IPO11: variants seen among roughly 807,000 people sequenced by gnomAD.
The protein encoded by IPO11 is importin-11.
IPO11 carries 66 observed loss-of-function variants against 143.2 expected under a neutral mutation model. That is an observed-to-expected ratio of 0.46 (90% CI 0.38 to 0.57). IPO11 has a LOEUF of 0.57. IPO11 is among the 20% of genes least tolerant of loss of function. IPO11 has a pLI of 0.00. For missense variants in IPO11, 1,026 were observed against 1,141.0 expected (o/e 0.90, Z 1.45); for synonymous variants, 385 against 377.8 (o/e 1.02, Z -0.22).
Position 62,581,197 on chromosome 5 carries a change from A to G in IPO11, c.2583-10380A>G. The G allele has an allele frequency of 6.4e-7, 1 of 1,551,078 alleles. No homozygotes were observed. The highest frequency in any genetic ancestry group is 8.7e-7 in the Non-Finnish European group (1 of 1,146,736). Reference sequence around the variant, plus strand: ...TAATGTAACTGCCTCAATTTGTAACACTTCCCCAAATTCTCTAGAAAGTCC... The same window carrying G: ...TAATGTAACTGCCTCAATTTGTAACGCTTCCCCAAATTCTCTAGAAAGTCC... On this transcript the variant is annotated intron_variant, in intron 27 of 29. Coordinates refer to ENST00000325324, the MANE Select transcript of IPO11 (RefSeq NM_016338.5).
intron 29 of IPO11, among the ~76,000 whole-genome samples, chr5:62,622,331 T>G (rs1746408663): frequency 6.6e-6 from 1 of 152,172 alleles, no homozygotes. Context: ...AATGATTCCC[T>G]TATGCTGCCA....
intron 29 of IPO11, among the ~76,000 whole-genome samples, chr5:62,611,003 A>G (rs1204857765): frequency 6.6e-6 from 1 of 152,162 alleles, no homozygotes; most frequent in Non-Finnish European, 1.5e-5. Context: ...CTGCTTCTCT[A>G]AGTTTGATTA....
chr5:62,528,282 T>C (rs990654895), intron 21 of IPO11, among the ~76,000 whole-genome samples: 1 of 152,142 alleles, frequency 6.6e-6, no homozygotes, highest in African/African-American at 2.4e-5. Context: ...CCTAGTAAGA[T>C]TAGTATAGAG....
At chr5:62,545,358 G>T (rs368060832) in intron 24 of IPO11, among the ~76,000 whole-genome samples, 1 of 151,912 alleles carries the variant, frequency 6.6e-6, no homozygotes, top group East Asian at 1.9e-4. Context: ...AAAGGATTCC[G>T]TATTTAATAA....
intron 1 of IPO11, among the ~76,000 whole-genome samples, chr5:62,420,219 CGATGGAGGTTTCAGTGAGCCAA>C (rs1285908277): frequency 6.8e-6 from 1 of 146,594 alleles, no homozygotes; most frequent in East Asian, 2.0e-4. Context: ...TGAACCCGGG[CGATGGAGGTTTCAGTGAGCCAA>C]GATCGTACCA....
chr5:62,579,083 G>A (rs1744438381), intron 27 of IPO11: 5 of 269,682 alleles, frequency 1.9e-5, no homozygotes, highest in South Asian at 1.2e-4. Flanking sequence ...TGTTGTTAAA[G>A]GGACATATTA....
At chr5:62,466,990 C>A in intron 5 of IPO11, 141 bp from the exon 6 acceptor site, 2 of 772,108 alleles carry the variant, frequency 2.6e-6, no homozygotes, top group Non-Finnish European at 4.0e-6. Context: ...TGAAACATTG[C>A]CACAAATATT....
intron 5 of IPO11, among the ~76,000 whole-genome samples, chr5:62,460,434 G>A (rs1745314903): frequency 6.6e-6 from 1 of 152,098 alleles, no homozygotes; most frequent in South Asian, 2.1e-4. Context: ...AGCAGATTTG[G>A]GCATCTATAG....
In IPO11 at chr5:62,449,539, A is replaced by G. The variant is rs551979764; in HGVS notation, c.240-388A>G. Among the ~76,000 whole-genome samples the G allele has an allele frequency of 1.8e-4, 27 of 151,138 alleles. No individual in the cohort carries two copies. In the South Asian group the frequency reaches 5.6e-3, roughly 32 times the overall value. The stretch of plus-strand genomic sequence containing the variant: ...GTGTTTTTTTTTTTCGTAGGCAACT[A>G]TTTTTACATCAATAAAAGTGAACAT... On this transcript the variant is annotated intron_variant, in intron 3 of 29. Transcript: ENST00000325324.
intron 19 of IPO11, among the ~76,000 whole-genome samples, chr5:62,513,833 G>T (rs1366924394): frequency 2.0e-5 from 3 of 149,608 alleles, no homozygotes; most frequent in Admixed American, 2.0e-4. Context: ...TCACTTCTCA[G>T]ACGGGGCGGT....
chr5:62,622,351 CTATTG>C (rs1746409598), intron 29 of IPO11, among the ~76,000 whole-genome samples: 1 of 152,140 alleles, frequency 6.6e-6, no homozygotes, highest in Non-Finnish European at 1.5e-5. Context: ...AAGTGAAGAA[CTATTG>C]TATAAAGATT....
At chr5:62,520,074 C>T (rs1272253142) in intron 20 of IPO11, among the ~76,000 whole-genome samples, 1 of 152,194 alleles carries the variant, frequency 6.6e-6, no homozygotes, top group East Asian at 1.9e-4. Context: ...AAAATACTCT[C>T]TTTTAAAGGG....
chr5:62,445,674 G>A (rs936739212), intron 3 of IPO11, among the ~76,000 whole-genome samples: 9 of 152,068 alleles, frequency 5.9e-5, no homozygotes, highest in African/African-American at 2.2e-4. Flanking sequence ...TAGGCTTTGT[G>A]TTGGATGCTT....
At chr5:62,568,983 CA>C (rs1386505408) in intron 27 of IPO11, among the ~76,000 whole-genome samples, 1 of 152,168 alleles carries the variant, frequency 6.6e-6, no homozygotes, top group Non-Finnish European at 1.5e-5. Context: ...GCCCTAAGGC[CA>C]GGTGTGCTGT....
intron 28 of IPO11, among the ~76,000 whole-genome samples, chr5:62,595,790 G>A (rs749423511): frequency 6.6e-6 from 1 of 151,952 alleles, no homozygotes; most frequent in Non-Finnish European, 1.5e-5. Flanking sequence ...TTTAGCTAGA[G>A]TTTTTATTAA....
chr5:62,588,171 A>G (rs1033057097), intron 27 of IPO11, among the ~76,000 whole-genome samples: 2 of 151,742 alleles, frequency 1.3e-5, no homozygotes, highest in African/African-American at 4.8e-5. Context: ...CAAAACTCTA[A>G]TATCCTGTCT....
chr5:62,448,435 A>G lies in IPO11; in HGVS notation c.240-1492A>G, dbSNP rs113293702. ...AAGGGAGGACAACTATATTCAAGAC[A>G]TTTTTTATTACTCAGTTTTACTCTA... On this transcript the variant is annotated intron_variant, in intron 3 of 29. Coordinates refer to ENST00000325324, the MANE Select transcript of IPO11 (RefSeq NM_016338.5). Among the ~76,000 whole-genome samples the G allele has an allele frequency of 5.7e-3, 873 of 152,280 alleles. 4 individuals are homozygous for G. The highest frequency in any genetic ancestry group is 0.014 in the Middle Eastern group (4 of 294).
intron 28 of IPO11, among the ~76,000 whole-genome samples, chr5:62,600,966 T>C (rs908139877): frequency 9.2e-5 from 14 of 152,358 alleles, no homozygotes; most frequent in African/African-American, 3.4e-4. Context: ...AAAAGCTGTT[T>C]ACACAGCTGA....
chr5:62,416,167 CTTTTTTTTTCTTTTCTTTTTTT>C (rs995199161), intron 1 of IPO11, among the ~76,000 whole-genome samples: 2 of 144,124 alleles, frequency 1.4e-5, no homozygotes, highest in Admixed American at 1.4e-4. Flanking sequence ...TTTCTGTTTT[CTTTTTTTTTCTTTTCTTTTTTT>C]TTTTTTTTTT....
Sources: gnomAD v4.1 joint callset for allele counts (sites outside exome capture counted in the v4.1 genomes callset) on GRCh38, gnomAD v4.1.1 for gene constraint, MANE v1.5 for transcripts, NCBI Gene and HGNC (gene_info 2026-07-23, HGNC 2026-07-21) for gene names.